The following PDE10A variants were observed in gnomAD, a reference collection of about 807,000 sequenced individuals.
The protein encoded by PDE10A is cAMP and cAMP-inhibited cGMP 3',5'-cyclic phosphodiesterase 10A.
Under a neutral mutation model 97.7 loss-of-function variants are expected in PDE10A, and 39 were observed. That is an observed-to-expected ratio of 0.40 (90% CI 0.31 to 0.52). The LOEUF (loss-of-function observed/expected upper bound fraction) is 0.52. Ranked by LOEUF, PDE10A falls within the 20% of genes least tolerant of loss-of-function variation. PDE10A has a pLI of 0.56. For missense variants in PDE10A, 731 were observed against 1,047.8 expected, an observed-to-expected ratio of 0.70 and a Z score of 4.17; for synonymous variants, 371 against 376.8, an observed-to-expected ratio of 0.98 and a Z score of 0.18.
intron 1 of PDE10A, among the ~76,000 whole-genome samples, chr6:165,964,483 T>C (rs914479293): frequency 1.3e-5 from 2 of 152,234 alleles, no homozygotes; most frequent in Non-Finnish European, 2.9e-5. Flanking sequence ...CTGGGCGTAA[T>C]GGTCTGAAAT....
chr6:165,724,741 T>A (rs980607467), intron 1 of PDE10A, among the ~76,000 whole-genome samples: 4 of 152,142 alleles, frequency 2.6e-5, no homozygotes, highest in Non-Finnish European at 5.9e-5. Flanking sequence ...AGTAATAAGG[T>A]AGAAGGAAAT....
chr6:165,982,219 G>A (rs1005146782), intron 1 of PDE10A, among the ~76,000 whole-genome samples: 5 of 152,098 alleles, frequency 3.3e-5, no homozygotes, highest in South Asian at 2.1e-4. Context: ...CGCGTGAGTC[G>A]GTCATGCCCA....
intron 2 of PDE10A, among the ~76,000 whole-genome samples, chr6:165,488,579 A>G (rs970600602): frequency 6.6e-6 from 1 of 152,168 alleles, no homozygotes; most frequent in African/African-American, 2.4e-5. Flanking sequence ...CATCCCAGGC[A>G]AGCCTAGAGA....
intron 1 of PDE10A, among the ~76,000 whole-genome samples, chr6:165,928,855 T>C (rs924861774): frequency 6.6e-6 from 1 of 152,116 alleles, no homozygotes; most frequent in Non-Finnish European, 1.5e-5. Context: ...GTCCCCAAAA[T>C]GTACTCAGGG....
intron 1 of PDE10A, among the ~76,000 whole-genome samples, chr6:165,750,621 G>A (rs11966353): frequency 0.15 from 23,445 of 152,212 alleles, 2,891 homozygotes; most frequent in African/African-American, 0.34. Context: ...CCCACAGGAA[G>A]TACAAAGCAC....
intron 13 of PDE10A, among the ~76,000 whole-genome samples, chr6:165,413,262 A>G (rs963598676): frequency 6.6e-6 from 1 of 151,996 alleles, no homozygotes; most frequent in Non-Finnish European, 1.5e-5. Flanking sequence ...CAGTAACTTC[A>G]TTTTTCTTCT....
chr6:165,619,533 T>C (rs1787997139), intron 1 of PDE10A, among the ~76,000 whole-genome samples: 1 of 106,020 alleles, frequency 9.4e-6, no homozygotes, highest in Non-Finnish European at 2.2e-5. Flanking sequence ...TGTAGTGTAG[T>C]CTAATGTAGT....
At chr6:165,366,734 AG>A (rs2128196800) in intron 18 of PDE10A, among the ~76,000 whole-genome samples, 1 of 152,286 alleles carries the variant, frequency 6.6e-6, no homozygotes, top group African/African-American at 2.4e-5. Flanking sequence ...CAGAAGTGGA[AG>A]TCCCCAAATT....
intron 2 of PDE10A, among the ~76,000 whole-genome samples, chr6:165,490,124 T>C (rs1050981820): frequency 2.6e-5 from 4 of 152,322 alleles, no homozygotes; most frequent in East Asian, 1.9e-4. Context: ...AAAAAGATCA[T>C]TGCCTAGGCA....
At chr6:165,657,351 G>C (rs1385566343) in intron 1 of PDE10A, among the ~76,000 whole-genome samples, 2 of 152,354 alleles carry the variant, frequency 1.3e-5, no homozygotes, top group Admixed American at 1.3e-4. Flanking sequence ...AGCTGGAGGA[G>C]CCTAATTTAC....
At chr6:165,607,077 T>C (rs969776122) in intron 1 of PDE10A, among the ~76,000 whole-genome samples, 2 of 152,194 alleles carry the variant, frequency 1.3e-5, no homozygotes, top group African/African-American at 4.8e-5. Context: ...GTGGTTTCGT[T>C]AAAAATGCTT....
chr6:165,849,563 A>G (rs1439765003), intron 1 of PDE10A, among the ~76,000 whole-genome samples: 1 of 152,166 alleles, frequency 6.6e-6, no homozygotes, highest in Non-Finnish European at 1.5e-5. Flanking sequence ...TTTGAGAAAA[A>G]CGCACCTCAT....
chr6:165,798,355 G>A (rs1358129104), intron 1 of PDE10A, among the ~76,000 whole-genome samples: 3 of 152,172 alleles, frequency 2.0e-5, no homozygotes, highest in Non-Finnish European at 4.4e-5. Context: ...TAGGAACTCA[G>A]CAGGGCCTTC....
At chr6:165,457,522 CTA>C (rs1778029496) in intron 3 of PDE10A, among the ~76,000 whole-genome samples, 1 of 152,090 alleles carries the variant, frequency 6.6e-6, no homozygotes. Context: ...TAAAACTGAA[CTA>C]TGTCAAGCTA....
chr6:165,653,305 T>G (rs576829434), intron 1 of PDE10A, among the ~76,000 whole-genome samples: 1 of 152,288 alleles, frequency 6.6e-6, no homozygotes, highest in African/African-American at 2.4e-5. Context: ...AGGAACACTT[T>G]GGCTAATGGG....
chr6:165,583,024 C>T (rs1041037407), intron 1 of PDE10A, among the ~76,000 whole-genome samples: 1 of 152,100 alleles, frequency 6.6e-6, no homozygotes, highest in Admixed American at 6.5e-5. Flanking sequence ...GCTGCTTGTT[C>T]GATGCAAAGC....
chr6:165,772,807 A>G (rs755102947), intron 1 of PDE10A, among the ~76,000 whole-genome samples: 2 of 152,216 alleles, frequency 1.3e-5, no homozygotes, highest in Non-Finnish European at 2.9e-5. Context: ...AGAATAGTGT[A>G]GAAGCAGCAA....
intron 1 of PDE10A, among the ~76,000 whole-genome samples, chr6:165,867,042 A>G (rs1394480142): frequency 6.6e-6 from 1 of 152,042 alleles, no homozygotes; most frequent in Non-Finnish European, 1.5e-5. Context: ...AATAGAAAGG[A>G]GTTAAATGTT....
intron 1 of PDE10A, among the ~76,000 whole-genome samples, chr6:165,748,404 C>T (rs372480517): frequency 4.6e-5 from 7 of 152,226 alleles, no homozygotes; most frequent in Admixed American, 2.6e-4. Flanking sequence ...GCTTTTACTT[C>T]GTTGTGTGGT....
Sources: gnomAD v4.1 joint callset for allele counts (sites outside exome capture counted in the v4.1 genomes callset) on GRCh38, gnomAD v4.1.1 for gene constraint, MANE v1.5 for transcripts, NCBI Gene and HGNC (gene_info 2026-07-23, HGNC 2026-07-21) for gene names.